The following PLCB4 variants were observed in gnomAD, a reference collection of about 807,000 sequenced individuals.
PLCB4 encodes the protein phospholipase C beta 4, also known as 1-phosphatidylinositol 4,5-bisphosphate phosphodiesterase beta-4.
A neutral mutation model predicts 178.8 loss-of-function variants in PLCB4; 77 were observed. The ratio of observed to expected loss-of-function variants is 0.43; its 90% CI spans 0.36 to 0.52. PLCB4 has a LOEUF of 0.52. Ranked by LOEUF, PLCB4 falls within the 20% of genes least tolerant of loss-of-function variation. The probability of loss-of-function intolerance (pLI) is 0.00; values close to 1 mark genes in which losing one functional copy is unlikely to be tolerated. For synonymous variants in PLCB4, 496 were observed against 490.8 expected, an observed-to-expected ratio of 1.01 and a Z score of -0.14; for missense variants, 1,024 against 1,453.4, an observed-to-expected ratio of 0.70 and a Z score of 4.80.
At chr20:9,331,833 C>A (rs1601893056) in intron 4 of PLCB4, among the ~76,000 whole-genome samples, 1 of 152,140 alleles carries the variant, frequency 6.6e-6, no homozygotes, top group East Asian at 1.9e-4. Context: ...GTGGCACAAA[C>A]CCCTCAGAGT....
chr20:9,335,122 G>A (rs1341507324), intron 4 of PLCB4, among the ~76,000 whole-genome samples: 1 of 152,090 alleles, frequency 6.6e-6, no homozygotes, highest in African/African-American at 2.4e-5. Context: ...TTTGTACACT[G>A]TGTACCAAAA....
intron 32 of PLCB4, among the ~76,000 whole-genome samples, chr20:9,447,654 T>C (rs1676517795): frequency 6.6e-6 from 1 of 152,240 alleles, no homozygotes; most frequent in South Asian, 2.1e-4. Context: ...ACTGTGGCCA[T>C]TTTTATAGCC....
At chr20:9,373,997 A>G (rs2036467415) in intron 12 of PLCB4, among the ~76,000 whole-genome samples, 1 of 152,180 alleles carries the variant, frequency 6.6e-6, no homozygotes, top group Admixed American at 6.5e-5. Flanking sequence ...TCATTATACC[A>G]TATAAAGAGA....
At chr20:9,151,087 A>G (rs548283509) in intron 2 of PLCB4, among the ~76,000 whole-genome samples, 1 of 152,310 alleles carries the variant, frequency 6.6e-6, no homozygotes, top group Non-Finnish European at 1.5e-5. Flanking sequence ...CATGGATTCA[A>G]CTAAGCTCGG....
chr20:9,410,980 T>G, intron 24 of PLCB4, 57 bp from the exon 25 acceptor site: 1 of 1,266,264 alleles, frequency 7.9e-7, no homozygotes, highest in Admixed American at 1.7e-5. Flanking sequence ...AATCACCCCG[T>G]CAGGGTCTTT....
intron 3 of PLCB4, among the ~76,000 whole-genome samples, chr20:9,224,576 C>T (rs1045345645): frequency 2.0e-5 from 3 of 152,208 alleles, no homozygotes; most frequent in African/African-American, 7.2e-5. Context: ...ACTGGTCTTA[C>T]TGAAAAGACT....
intron 25 of PLCB4, among the ~76,000 whole-genome samples, chr20:9,417,437 A>G (rs953555552): frequency 2.6e-5 from 4 of 152,188 alleles, no homozygotes; most frequent in Admixed American, 2.6e-4. Flanking sequence ...TTTGATATAA[A>G]TGAATTTATA....
At chr20:9,153,950 C>A (rs2092737172) in intron 2 of PLCB4, among the ~76,000 whole-genome samples, 2 of 152,110 alleles carry the variant, frequency 1.3e-5, no homozygotes, top group Admixed American at 1.3e-4. Flanking sequence ...GTAATGACTC[C>A]TTTTCTGTAG....
At chr20:9,101,329 G>T (rs1348987375) in intron 2 of PLCB4, among the ~76,000 whole-genome samples, 1 of 152,144 alleles carries the variant, frequency 6.6e-6, no homozygotes, top group African/African-American at 2.4e-5. Flanking sequence ...GGCCTGAGGG[G>T]ATGGTGAGAG....
chr20:9,134,270 A>T (rs1478142701), intron 2 of PLCB4, among the ~76,000 whole-genome samples: 2 of 152,152 alleles, frequency 1.3e-5, no homozygotes, highest in Non-Finnish European at 2.9e-5. Context: ...TAGATTATAG[A>T]TCTTCAAGTT....
chr20:9,292,547 G>A (rs2094589431), intron 3 of PLCB4, among the ~76,000 whole-genome samples: 1 of 152,144 alleles, frequency 6.6e-6, no homozygotes, highest in Admixed American at 6.5e-5. Context: ...GATCAGAGAG[G>A]GTCTAAGGAG....
At chr20:9,091,456 A>T (rs1568731596) in intron 1 of PLCB4, among the ~76,000 whole-genome samples, 1 of 151,948 alleles carries the variant, frequency 6.6e-6, no homozygotes, top group Non-Finnish European at 1.5e-5. Context: ...TATAAATAAT[A>T]TTTTCATAAA....
In PLCB4 at chr20:9,100,599, T is replaced by A. The variant is rs142271008; in HGVS notation, c.-79+4257T>A. On this transcript the variant is annotated intron_variant, in intron 2 of 39. Transcript: ENST00000378473. ...ATATCAGAATTTCAAACATCCCCCA[T>A]GGATTTAGTAATGGAGCAACTCCAT... Among the ~76,000 whole-genome samples the A allele has an allele frequency of 5.2e-3, 796 of 152,224 alleles. 11 individuals are homozygous for A. Among genetic ancestry groups the A allele is most frequent in the Admixed American group, 0.036 (550 of 15,294 alleles).
At chr20:9,205,455 T>G (rs1366484699) in intron 2 of PLCB4, among the ~76,000 whole-genome samples, 1 of 152,210 alleles carries the variant, frequency 6.6e-6, no homozygotes, top group African/African-American at 2.4e-5. Context: ...ATTTACCTTT[T>G]TAACTTTTAA....
At chr20:9,316,357 T>C (rs1274690599) in intron 4 of PLCB4, among the ~76,000 whole-genome samples, 1 of 152,076 alleles carries the variant, frequency 6.6e-6, no homozygotes, top group Admixed American at 6.6e-5. Flanking sequence ...GCCGAGGTGT[T>C]TGGATTTCGT....
At chr20:9,113,524 G>A (rs1272040876) in intron 2 of PLCB4, among the ~76,000 whole-genome samples, 2 of 152,238 alleles carry the variant, frequency 1.3e-5, no homozygotes, top group East Asian at 3.9e-4. Flanking sequence ...TCTTGGTCAG[G>A]AAATACAGGG....
intron 25 of PLCB4, among the ~76,000 whole-genome samples, chr20:9,418,596 G>A (rs2040413659): frequency 6.6e-6 from 1 of 152,108 alleles, no homozygotes; most frequent in Admixed American, 6.5e-5. Context: ...TTGAAATCAA[G>A]AAGTGTGAGA....
intron 7 of PLCB4, among the ~76,000 whole-genome samples, chr20:9,359,260 A>C (rs2148213799): frequency 6.6e-6 from 1 of 152,284 alleles, no homozygotes; most frequent in Admixed American, 6.5e-5. Context: ...AGGTCTAAAC[A>C]TATGCCTGGA....
At chr20:9,452,513 T>A (rs980097971) in intron 32 of PLCB4, among the ~76,000 whole-genome samples, 1 of 152,174 alleles carries the variant, frequency 6.6e-6, no homozygotes, top group Non-Finnish European at 1.5e-5. Flanking sequence ...AATTTCTGAT[T>A]GTACTGATTT....
Sources: gnomAD v4.1 joint callset for allele counts (sites outside exome capture counted in the v4.1 genomes callset) on GRCh38, gnomAD v4.1.1 for gene constraint, MANE v1.5 for transcripts, NCBI Gene and HGNC (gene_info 2026-07-23, HGNC 2026-07-21) for gene names.